The following PGM2L1 variants were observed in gnomAD, a reference collection of about 807,000 sequenced individuals.
PGM2L1 encodes glucose 1,6-bisphosphate synthase.
Under a neutral mutation model 73.4 loss-of-function variants are expected in PGM2L1, and 35 were observed. That is an observed-to-expected ratio of 0.48 (90% CI 0.36 to 0.63). The LOEUF (loss-of-function observed/expected upper bound fraction) is 0.63. Among genes scored for constraint, PGM2L1 ranks in the 30% least tolerant of loss-of-function variants. PGM2L1 has a pLI of 0.00. For synonymous variants in PGM2L1, 225 were observed against 253.8 expected (o/e 0.89, Z 1.08); for missense variants, 570 against 742.0 (o/e 0.77, Z 2.69).
chr11:74,383,951 T>C (rs1021138570), intron 1 of PGM2L1, among the ~76,000 whole-genome samples: 2 of 151,490 alleles, frequency 1.3e-5, no homozygotes, highest in Admixed American at 1.3e-4. Context: ...ATCTTTATAA[T>C]AGAATGATTT....
chr11:74,377,362 T>A (rs1862872530), intron 1 of PGM2L1, among the ~76,000 whole-genome samples: 1 of 152,118 alleles, frequency 6.6e-6, no homozygotes, highest in Admixed American at 6.5e-5. Flanking sequence ...CTCGATCTCC[T>A]GACCTCATGA....
chr11:74,384,393 C>CT (rs1405343441), intron 1 of PGM2L1, among the ~76,000 whole-genome samples: 4 of 151,788 alleles, frequency 2.6e-5, no homozygotes, highest in Non-Finnish European at 5.9e-5. Context: ...CAATTTTAAT[C>CT]TTTTTTAATC....
intron 6 of PGM2L1, among the ~76,000 whole-genome samples, chr11:74,350,327 TA>T (rs1862329854): frequency 6.6e-6 from 1 of 152,204 alleles, no homozygotes; most frequent in African/African-American, 2.4e-5. Flanking sequence ...GTTAGCTATT[TA>T]CAGAAGAGTT....
At chr11:74,382,637 T>C (rs1862963243) in intron 1 of PGM2L1, among the ~76,000 whole-genome samples, 1 of 152,148 alleles carries the variant, frequency 6.6e-6, no homozygotes, top group African/African-American at 2.4e-5. Flanking sequence ...TAACTGGGAC[T>C]ACAGGCATAC....
At chr11:74,376,927 C>G (rs998483065) in intron 1 of PGM2L1, among the ~76,000 whole-genome samples, 9 of 152,146 alleles carry the variant, frequency 5.9e-5, no homozygotes, top group African/African-American at 2.2e-4. Flanking sequence ...CCCTATTTAA[C>G]AGTGAGACAT....
At chr11:74,376,977 C>T (rs1862863467) in intron 1 of PGM2L1, among the ~76,000 whole-genome samples, 3 of 152,034 alleles carry the variant, frequency 2.0e-5, no homozygotes, top group Admixed American at 1.3e-4. Context: ...AAAAATATAA[C>T]CTAAAAAACT....
At chr11:74,381,908 C>A (rs529853774) in intron 1 of PGM2L1, among the ~76,000 whole-genome samples, 2 of 151,860 alleles carry the variant, frequency 1.3e-5, no homozygotes, top group Non-Finnish European at 1.5e-5. Flanking sequence ...GCTTCCCCCC[C>A]ACCCCCACCA....
Position 74,347,320 on chromosome 11 carries a change from G to C in PGM2L1, c.767C>G (p.Thr256Ser). Residue 256 changes from threonine to serine, a missense_variant, in exon 7 of 14, where the codon ACC becomes AGC. Thr to Ser is a moderately conservative substitution (Grantham distance 58, BLOSUM62 1). Transcript: ENST00000298198. ...AGATGTGTGCACAAATTTCAAGGTG[G>C]TCTTCGAGTTTAACTCCCTGTAAAG... Reference protein sequence around the residue: ...ICFYRELNSKTTLKFVHTSFH... With the variant: ...ICFYRELNSKSTLKFVHTSFH... The C allele has an allele frequency of 6.3e-7, 1 of 1,598,050 alleles. No homozygotes were observed. Among genetic ancestry groups the C allele is most frequent in the Middle Eastern group, 1.7e-4 (1 of 5,990 alleles).
At chr11:74,358,080 C>T (rs764222973) in intron 5 of PGM2L1, among the ~76,000 whole-genome samples, 61 of 152,278 alleles carry the variant, frequency 4.0e-4, no homozygotes, top group Admixed American at 7.2e-4. Context: ...CTGTATGATA[C>T]TATAATGGTG....
intron 1 of PGM2L1, among the ~76,000 whole-genome samples, chr11:74,377,366 C>T (rs1411529495): frequency 6.6e-6 from 1 of 152,078 alleles, no homozygotes; most frequent in African/African-American, 2.4e-5. Context: ...ATCTCCTGAC[C>T]TCATGATACG....
At chr11:74,342,720 A>T (rs981351610) in intron 11 of PGM2L1, 70 bp from the exon 12 acceptor site, 148 of 1,397,496 alleles carry the variant, frequency 1.1e-4, no homozygotes, top group Non-Finnish European at 1.3e-4. Context: ...ATTAAGGAAG[A>T]TCAGCCTACT....
At chr11:74,344,254 G>C (rs763021124) in intron 9 of PGM2L1, among the ~76,000 whole-genome samples, 6 of 152,004 alleles carry the variant, frequency 3.9e-5, no homozygotes, top group Non-Finnish European at 7.4e-5. Flanking sequence ...GAGTGCCTAT[G>C]AAAGTTGGTG....
rs144611386 is a variant in PGM2L1 at position 74,345,271 on chromosome 11, A to G, written c.1218+198T>C. On this transcript the variant is annotated intron_variant, in intron 9 of 13. Transcript: ENST00000298198. ...TTAAAGAATATCTCATCTTAGTCCC[A>G]GAAATTCATATACGGTACTGGATGA... Among the ~76,000 whole-genome samples, 195 of 152,330 alleles carry G rather than the reference A, an allele frequency of 1.3e-3. 1 individual carries two copies. The highest frequency in any genetic ancestry group is 4.4e-3 in the African/African-American group (182 of 41,576).
chr11:74,379,882 G>T (rs981418897), intron 1 of PGM2L1, among the ~76,000 whole-genome samples: 4 of 151,946 alleles, frequency 2.6e-5, no homozygotes, highest in Non-Finnish European at 5.9e-5. Flanking sequence ...CCGAGATCAT[G>T]ACATTTGCAC....
chr11:74,356,835 A>G (rs1862464349), intron 5 of PGM2L1, among the ~76,000 whole-genome samples: 1 of 146,824 alleles, frequency 6.8e-6, no homozygotes, highest in Non-Finnish European at 1.5e-5. Flanking sequence ...GGGTTTGGCA[A>G]TCACTTTTTT....
chr11:74,358,149 C>G (rs887214804), intron 5 of PGM2L1, among the ~76,000 whole-genome samples: 1 of 152,088 alleles, frequency 6.6e-6, no homozygotes, highest in Non-Finnish European at 1.5e-5. Context: ...AGAATGAACC[C>G]TAACATAAAC....
intron 1 of PGM2L1, among the ~76,000 whole-genome samples, 185 bp from the exon 2 acceptor site, chr11:74,374,767 G>A (rs747597223): frequency 1.3e-5 from 2 of 152,128 alleles, no homozygotes; most frequent in Non-Finnish European, 2.9e-5. Flanking sequence ...AGGAGAAAGG[G>A]CCTGTTGAGG....
At chr11:74,385,770 G>A (rs1024027804) in intron 1 of PGM2L1, among the ~76,000 whole-genome samples, 13 of 151,550 alleles carry the variant, frequency 8.6e-5, no homozygotes, top group South Asian at 2.1e-4. Context: ...ACCAAGAAAG[G>A]AAACAATAAT....
At chr11:74,389,680 C>T (rs902558595) in intron 1 of PGM2L1, among the ~76,000 whole-genome samples, 3 of 151,306 alleles carry the variant, frequency 2.0e-5, no homozygotes, top group Non-Finnish European at 2.9e-5. Context: ...GAACTCCTGA[C>T]CTCAGGTGAT....
Sources: gnomAD v4.1 joint callset for allele counts (sites outside exome capture counted in the v4.1 genomes callset) on GRCh38, gnomAD v4.1.1 for gene constraint, MANE v1.5 for transcripts, NCBI Gene and HGNC (gene_info 2026-07-23, HGNC 2026-07-21) for gene names.